The following NKAIN1 variants were observed in gnomAD, a reference collection of about 807,000 sequenced individuals.
NKAIN1 encodes sodium/potassium transporting ATPase interacting 1.
Under a neutral mutation model 31.6 loss-of-function variants are expected in NKAIN1, and 13 were observed. The observed-to-expected ratio is 0.41, with a 90% CI of 0.27 to 0.65. The LOEUF is 0.65. Among genes scored for constraint, NKAIN1 ranks in the 30% least tolerant of loss-of-function variants. NKAIN1 has a pLI of 0.30. For synonymous variants in NKAIN1, 104 were observed against 109.0 expected (o/e 0.95, Z 0.28); for missense variants, 193 against 262.2 (o/e 0.74, Z 1.82).
chr1:31,229,170 G>T (rs1428234399), intron 1 of NKAIN1, among the ~76,000 whole-genome samples: 1 of 152,230 alleles, frequency 6.6e-6, no homozygotes, highest in Non-Finnish European at 1.5e-5. Flanking sequence ...ATGCATGGCA[G>T]TTTGTGTGTG....
chr1:31,210,581 AC>A (rs1645460775), intron 1 of NKAIN1, among the ~76,000 whole-genome samples: 1 of 151,920 alleles, frequency 6.6e-6, no homozygotes, highest in Non-Finnish European at 1.5e-5. Context: ...GAGCCCCCAC[AC>A]CCGGCTTGCC....
intron 1 of NKAIN1, among the ~76,000 whole-genome samples, chr1:31,236,074 G>A (rs1277065777): frequency 1.3e-5 from 2 of 152,126 alleles, no homozygotes; most frequent in African/African-American, 4.8e-5. Context: ...TAAGGATTAG[G>A]AACTGTTTTA....
intron 1 of NKAIN1, among the ~76,000 whole-genome samples, chr1:31,219,783 C>T (rs1010913002): frequency 6.6e-6 from 1 of 152,206 alleles, no homozygotes; most frequent in African/African-American, 2.4e-5. Flanking sequence ...AGGTTCAAGT[C>T]CTAGCTCTGC....
chr1:31,238,592 C>T (rs1645709168), intron 1 of NKAIN1, among the ~76,000 whole-genome samples: 1 of 152,182 alleles, frequency 6.6e-6, no homozygotes, highest in African/African-American at 2.4e-5. Context: ...TACAGTCACT[C>T]CTCCCTGAGA....
intron 1 of NKAIN1, among the ~76,000 whole-genome samples, chr1:31,221,104 T>G (rs886112751): frequency 5.9e-5 from 9 of 152,050 alleles, no homozygotes; most frequent in African/African-American, 1.9e-4. Context: ...GCTCCGAGGA[T>G]GAAATGATGG....
chr1:31,231,836 A>G (rs1186261093), intron 1 of NKAIN1, among the ~76,000 whole-genome samples: 1 of 151,786 alleles, frequency 6.6e-6, no homozygotes, highest in Admixed American at 6.6e-5. Flanking sequence ...GGCGAGTTCA[A>G]TTGTTTTAAT....
At chr1:31,203,863 G>A (rs1432325851) in intron 1 of NKAIN1, among the ~76,000 whole-genome samples, 2 of 152,228 alleles carry the variant, frequency 1.3e-5, no homozygotes, top group African/African-American at 2.4e-5. Flanking sequence ...GGGATTACAG[G>A]CGTGAGCCAC....
intron 1 of NKAIN1, among the ~76,000 whole-genome samples, chr1:31,198,857 C>A (rs538964691): frequency 2.9e-4 from 44 of 152,150 alleles, no homozygotes; most frequent in Non-Finnish European, 5.7e-4. Flanking sequence ...GACGCCAACC[C>A]CAGGAGCCCA....
intron 1 of NKAIN1, among the ~76,000 whole-genome samples, chr1:31,227,861 G>C (rs1028782396): frequency 2.6e-5 from 4 of 152,188 alleles, no homozygotes; most frequent in African/African-American, 9.7e-5. Flanking sequence ...TGTCCTCCCT[G>C]GTGGCTCCAA....
chr1:31,186,555 G>A (rs532968254), intron 2 of NKAIN1, among the ~76,000 whole-genome samples: 105 of 152,170 alleles, frequency 6.9e-4, no homozygotes, highest in African/African-American at 2.4e-3. Flanking sequence ...TGTGGCTGGA[G>A]TCTGGGTATA....
At chr1:31,195,468 G>T (rs1445991905) in intron 1 of NKAIN1, among the ~76,000 whole-genome samples, 1 of 151,770 alleles carries the variant, frequency 6.6e-6, no homozygotes, top group East Asian at 1.9e-4. Context: ...CTGCCGCCGC[G>T]GCTGGCCCCC....
chr1:31,226,970 G>T (rs185296908), intron 1 of NKAIN1, among the ~76,000 whole-genome samples: 2 of 151,540 alleles, frequency 1.3e-5, no homozygotes, highest in East Asian at 3.9e-4. Context: ...GATTACAGGT[G>T]CACGCCACCA....
intron 1 of NKAIN1, among the ~76,000 whole-genome samples, chr1:31,189,172 C>T (rs949466879): frequency 1.3e-5 from 2 of 152,048 alleles, no homozygotes; most frequent in Non-Finnish European, 2.9e-5. Flanking sequence ...AGCCCATCAG[C>T]CATCAACCAT....
chr1:31,190,222 G>A (rs141121700), intron 1 of NKAIN1, among the ~76,000 whole-genome samples: 162 of 152,290 alleles, frequency 1.1e-3, no homozygotes, highest in Non-Finnish European at 1.6e-3. Context: ...GCAAGGCTTG[G>A]GCAGAGACCA....
chr1:31,221,520 C>G (rs1645564904), intron 1 of NKAIN1, among the ~76,000 whole-genome samples: 1 of 152,082 alleles, frequency 6.6e-6, no homozygotes, highest in South Asian at 2.1e-4. Context: ...ACTGCAACAT[C>G]CGCCTCCCGG....
chr1:31,230,294 G>A (rs1291937434), intron 1 of NKAIN1, among the ~76,000 whole-genome samples: 1 of 152,140 alleles, frequency 6.6e-6, no homozygotes, highest in Non-Finnish European at 1.5e-5. Flanking sequence ...TCCTGATTTA[G>A]AGAAGTGCAA....
At chr1:31,186,688 C>T (rs973806177) in intron 2 of NKAIN1, among the ~76,000 whole-genome samples, 3 of 152,186 alleles carry the variant, frequency 2.0e-5, no homozygotes, top group Non-Finnish European at 4.4e-5. Flanking sequence ...GATGCCCTCA[C>T]TCCATCACTT....
intron 1 of NKAIN1, among the ~76,000 whole-genome samples, chr1:31,194,767 C>CTTT (rs35385145): frequency 1.8e-3 from 178 of 99,446 alleles, no homozygotes; most frequent in Non-Finnish European, 2.5e-3. Flanking sequence ...CTCTCTCTCT[C>CTTT]TTTTTTTTTT....
intron 1 of NKAIN1, among the ~76,000 whole-genome samples, chr1:31,194,753 T>C (rs1201997411): frequency 2.7e-5 from 4 of 146,384 alleles, no homozygotes; most frequent in African/African-American, 7.6e-5. Context: ...TTCCTTCCTT[T>C]TCTCTCTCTC....
Sources: allele counts gnomAD v4.1 joint callset (sites outside exome capture counted in the v4.1 genomes callset), GRCh38; gene constraint gnomAD v4.1.1; transcripts MANE v1.5; gene names NCBI Gene and HGNC (gene_info 2026-07-23, HGNC 2026-07-21).